SLC6A3: variants seen among roughly 807,000 people sequenced by gnomAD.
The protein encoded by SLC6A3 is solute carrier family 6 member 3, also known as sodium-dependent dopamine transporter.
A neutral mutation model predicts 70.4 loss-of-function variants in SLC6A3; 19 were observed. The ratio of observed to expected loss-of-function variants is 0.27; its 90% CI spans 0.19 to 0.40. SLC6A3 has a LOEUF of 0.40. SLC6A3 is among the 10% of genes least tolerant of loss of function. The probability of loss-of-function intolerance (pLI) is 1.00; values close to 1 mark genes in which losing one functional copy is unlikely to be tolerated. For synonymous variants in SLC6A3, 368 were observed against 356.6 expected (o/e 1.03, Z -0.36); for missense variants, 613 against 838.5 (o/e 0.73, Z 3.32).
intron 7 of SLC6A3, among the ~76,000 whole-genome samples, chr5:1,415,270 CAG>C (rs1236464632): frequency 1.3e-5 from 2 of 152,132 alleles, no homozygotes; most frequent in African/African-American, 4.8e-5. Flanking sequence ...GCTGAGAAAC[CAG>C]AGAGCTGGAG....
At chr5:1,395,089 G>A (rs1026693280) in intron 14 of SLC6A3, among the ~76,000 whole-genome samples, 1 of 152,170 alleles carries the variant, frequency 6.6e-6, no homozygotes, top group Non-Finnish European at 1.5e-5. Context: ...CCCTCAGTCC[G>A]GGGCTGGTTC....
rs570713146 is a variant in SLC6A3, at chr5:1,421,440, G to A, written c.792+436C>T. Among the ~76,000 whole-genome samples the A allele has an allele frequency of 2.2e-4, 33 of 152,134 alleles. No individual in the cohort carries two copies. The highest frequency in any genetic ancestry group is 4.3e-4 in the Non-Finnish European group (29 of 68,010). Reference sequence around the variant, plus strand: ...GATCTGCCCGTCTCAGCCTCCCAAAGTATTTTTATCAACAAAAAAATCATC... The same window carrying A: ...GATCTGCCCGTCTCAGCCTCCCAAAATATTTTTATCAACAAAAAAATCATC... On this transcript the variant is annotated intron_variant, in intron 5 of 14. Transcript: ENST00000270349. The surrounding 1 kb of genome is among the most constrained non-coding windows in gnomAD (Gnocchi z 7.2).
intron 14 of SLC6A3, among the ~76,000 whole-genome samples, chr5:1,400,256 G>A (rs1755813713): frequency 1.3e-5 from 2 of 152,158 alleles, no homozygotes; most frequent in South Asian, 2.1e-4. Context: ...GGCACATTCC[G>A]GGGCCTCTCT....
intron 12 of SLC6A3, 67 bp from the exon 13 acceptor site, chr5:1,403,156 G>T: frequency 6.4e-7 from 1 of 1,553,942 alleles, no homozygotes. Flanking sequence ...GCAGGGAGCG[G>T]GCAGGCACTT....
rs2126349103 is a variant in SLC6A3 at position 1,413,648 on chromosome 5, A to G, written c.1156+1043T>C. Among the ~76,000 whole-genome samples, 1 of 152,242 alleles carries G rather than the reference A, an allele frequency of 6.6e-6. No individual in the cohort carries two copies. The highest frequency in any genetic ancestry group is 1.9e-4 in the East Asian group (1 of 5,178). ...GAGGAAGCAAGGATGGGGACGCAGC[A>G]TGGGAGCCCACCCAACCCAGGCCCG... On this transcript the variant is annotated intron_variant, in intron 8 of 14. Coordinates refer to ENST00000270349, the MANE Select transcript of SLC6A3 (RefSeq NM_001044.5). This position sits in a 1 kb window ranked among gnomAD's most constrained non-coding sequence, Gnocchi z 7.1.
Position 1,409,081 on chromosome 5 carries a change from G to A in SLC6A3, c.1443C>T (p.Gly481=), listed in dbSNP as rs1213957003. 2 of 1,613,062 alleles carry A rather than the reference G, an allele frequency of 1.2e-6. No individual in the cohort carries two copies. Among genetic ancestry groups the A allele is most frequent in the East Asian group, 4.5e-5 (2 of 44,868 alleles). Residue 481 remains glycine (G), a synonymous_variant, in exon 11 of 15, where the codon GGC becomes GGT. Coordinates refer to ENST00000270349, the MANE Select transcript of SLC6A3 (RefSeq NM_001044.5). ...TGAGCACTCCAAAGAGGATGGACGT[G>A]CCGGCTGCAAAATGGTCCAGGAGCG... is the stretch of plus-strand genomic sequence containing the variant. ...VFTLLDHFAA[G]TSILFGVLIE... is the part of the protein sequence containing the mutation.
chr5:1,421,364 A>G lies in SLC6A3; in HGVS notation c.792+512T>C, dbSNP rs1265401708. ...GGCTAATTTCGTATTTTTAGTAGAG[A>G]TGGGGTTTCATCATGTTGGCCAGGC... On this transcript the variant is annotated intron_variant, in intron 5 of 14. Transcript: ENST00000270349. This position sits in a 1 kb window ranked among gnomAD's most constrained non-coding sequence, Gnocchi z 7.2. 6.6e-6 allele frequency among the ~76,000 whole-genome samples: 1 copy of G among 152,038 alleles called. No individual in the cohort carries two copies. Among genetic ancestry groups the G allele is most frequent in the African/African-American group, 2.4e-5 (1 of 41,392 alleles).
In SLC6A3 at chr5:1,414,685, G is replaced by T. The variant is rs757659283; in HGVS notation, c.1156+6C>A. ...AGCAGGCCCAGGTGCAGCAGGAGGG[G>T]CTCACCGTCCTTGGCCACGTCCCCG... On this transcript the variant is annotated splice_donor_region_variant and intron_variant, in intron 8 of 14. Coordinates refer to ENST00000270349, the MANE Select transcript of SLC6A3 (RefSeq NM_001044.5). 6.2e-7 allele frequency: 1 copy of T among 1,612,136 alleles called. No individual in the cohort carries two copies. The highest frequency in any genetic ancestry group is 1.7e-5 in the Admixed American group (1 of 59,944).
At chr5:1,419,878 G>C (rs780662749) in intron 6 of SLC6A3, among the ~76,000 whole-genome samples, 8 of 150,922 alleles carry the variant, frequency 5.3e-5, no homozygotes, top group Non-Finnish European at 1.2e-4. Flanking sequence ...TGCCTCCCTG[G>C]GGCTTCCTGG....
At chr5:1,422,678 G>T (rs1178098625) in intron 4 of SLC6A3, among the ~76,000 whole-genome samples, 1 of 51,020 alleles carries the variant, frequency 2.0e-5, no homozygotes, top group East Asian at 9.3e-4. Flanking sequence ...GCCCAGTGCT[G>T]CCCATGGTGC....
At chr5:1,431,456 G>T (rs1286668708) in intron 4 of SLC6A3, among the ~76,000 whole-genome samples, 1 of 151,932 alleles carries the variant, frequency 6.6e-6, no homozygotes, top group African/African-American at 2.4e-5. Flanking sequence ...GGACTGTATG[G>T]GTTGGGCCTG....
intron 10 of SLC6A3, among the ~76,000 whole-genome samples, 177 bp from the exon 11 acceptor site, chr5:1,409,302 A>G (rs1023917248): frequency 6.6e-6 from 1 of 152,238 alleles, no homozygotes; most frequent in Non-Finnish European, 1.5e-5. Flanking sequence ...AAATAAAAAT[A>G]AAAATGACCT....
intron 1 of SLC6A3, among the ~76,000 whole-genome samples, chr5:1,444,109 A>T (rs960203106): frequency 2.0e-5 from 3 of 152,234 alleles, no homozygotes; most frequent in Admixed American, 6.5e-5. Flanking sequence ...AAGTGTCTGT[A>T]CAAGCCACAT....
At chr5:1,417,110 G>A (rs558378338) in intron 6 of SLC6A3, among the ~76,000 whole-genome samples, 12 of 151,456 alleles carry the variant, frequency 7.9e-5, no homozygotes, top group Admixed American at 2.6e-4. Flanking sequence ...TCCCATGTGC[G>A]CCCTGCTGCA....
chr5:1,409,960 CA>C, intron 9 of SLC6A3, 111 bp from the exon 10 acceptor site: 1 of 1,401,102 alleles, frequency 7.1e-7, no homozygotes, highest in African/African-American at 1.4e-5. Flanking sequence ...GGACACGGAA[CA>C]GGGGCCACAT....
chr5:1,394,292 G>A lies in SLC6A3; in HGVS notation c.*443C>T, dbSNP rs1755657893. 1 of 241,474 alleles carries A rather than the reference G, an allele frequency of 4.1e-6. No individual in the cohort carries two copies. The highest frequency in any genetic ancestry group is 8.1e-6 in the Non-Finnish European group (1 of 122,896). The allele number at this position is 241,474 out of a possible 1,614,324, so 15.0% of individuals were successfully genotyped here. ...AGCAGGACACTTGGCTTTTTAATATGGGCAAAGTAAATGGTCTAGGAAGCT... is the reference window on the plus strand; with the variant it reads ...AGCAGGACACTTGGCTTTTTAATATAGGCAAAGTAAATGGTCTAGGAAGCT... On this transcript the variant is annotated 3_prime_UTR_variant, in exon 15 of 15. Coordinates refer to ENST00000270349, the MANE Select transcript of SLC6A3 (RefSeq NM_001044.5). This position sits in a 1 kb window ranked among gnomAD's most constrained non-coding sequence, Gnocchi z 4.7.
intron 1 of SLC6A3, among the ~76,000 whole-genome samples, chr5:1,444,360 A>C (rs1389001864): frequency 6.6e-6 from 1 of 151,322 alleles, no homozygotes; most frequent in Non-Finnish European, 1.5e-5. Context: ...ACGCACACAC[A>C]GACACACAGA....
At chr5:1,422,213 G>A (rs1756453029) in intron 4 of SLC6A3, among the ~76,000 whole-genome samples, 199 bp from the exon 5 acceptor site, 2 of 152,220 alleles carry the variant, frequency 1.3e-5, no homozygotes, top group African/African-American at 2.4e-5. Context: ...TGAAACCCGT[G>A]GAGCACGTGG....
intron 14 of SLC6A3, among the ~76,000 whole-genome samples, chr5:1,399,087 G>A (rs545353359): frequency 6.6e-6 from 1 of 152,268 alleles, no homozygotes; most frequent in East Asian, 1.9e-4. Flanking sequence ...CAGGTATAAG[G>A]CCCTAAAGAA....
Sources: allele counts gnomAD v4.1 joint callset (sites outside exome capture counted in the v4.1 genomes callset), GRCh38; gene constraint gnomAD v4.1.1; non-coding constraint Gnocchi (gnomAD v3.1); transcripts MANE v1.5; gene names NCBI Gene and HGNC (gene_info 2026-07-23, HGNC 2026-07-21).